The following BICC1 variants were observed in gnomAD, a reference collection of about 807,000 sequenced individuals.
BICC1 encodes the protein protein bicaudal C homolog 1.
BICC1 carries 43 observed loss-of-function variants against 111.0 expected under a neutral mutation model. That is an observed-to-expected ratio of 0.39 (90% CI 0.30 to 0.50). BICC1 has a LOEUF of 0.50. BICC1 is among the 20% of genes least tolerant of loss of function. The pLI is 0.88. For synonymous variants in BICC1, 467 were observed against 434.4 expected (o/e 1.07, Z -0.93); for missense variants, 1,091 against 1,203.2 (o/e 0.91, Z 1.38).
At chr10:58,782,204 T>C (rs761812678) in intron 3 of BICC1, among the ~76,000 whole-genome samples, 24 of 152,226 alleles carry the variant, frequency 1.6e-4, no homozygotes, top group Admixed American at 4.6e-4. Flanking sequence ...GAAAATCACA[T>C]TCTCTCTTAA....
Position 58,796,428 on chromosome 10 carries a change from C to T in BICC1, c.1268C>T (p.Thr423Ile). 6.2e-7 allele frequency: 1 copy of T among 1,614,106 alleles called. No individual in the cohort carries two copies. Among genetic ancestry groups the T allele is most frequent in the Non-Finnish European group, 8.5e-7 (1 of 1,180,008 alleles). Reference protein sequence around the residue: ...CLLGLESSGVTIATSPSPASC... With the variant: ...CLLGLESSGVIIATSPSPASC... ...CTCGGACTTGAAAGCAGTGGGGTTA[C>T]CATAGCAACCAGTCCATCCCCAGCA... Residue 423 changes from threonine (T) to isoleucine (I), a missense_variant, in exon 10 of 21, where the codon ACC (threonine) becomes ATC (isoleucine). By Grantham distance (89) the Thr-to-Ile change is moderately conservative. Transcript: ENST00000373886.
chr10:58,828,884 G>A lies in BICC1; in HGVS notation c.2918G>A (p.Arg973His), dbSNP rs188926102. 7.8e-5 allele frequency: 126 copies of A among 1,613,752 alleles called. No individual in the cohort carries two copies. Among genetic ancestry groups the A allele is most frequent in the Admixed American group, 3.7e-4 (22 of 59,998 alleles). Residue 973 changes from arginine (R) to histidine (H), a missense_variant, in exon 21 of 21, where the codon CGC becomes CAC. Arg to His is a conservative substitution (Grantham distance 29). Coordinates refer to ENST00000373886, the MANE Select transcript of BICC1 (RefSeq NM_001080512.3). ...YHSDIASVSG[R>H]W ...TCAGACATTGCTAGTGTCAGTGGCCGCTGGTAGCAGCACCCTCTTGGCACA... is the reference window on the plus strand; with the variant it reads ...TCAGACATTGCTAGTGTCAGTGGCCACTGGTAGCAGCACCCTCTTGGCACA...
intron 3 of BICC1, among the ~76,000 whole-genome samples, chr10:58,723,953 A>C (rs1307110938): frequency 6.6e-6 from 1 of 152,236 alleles, no homozygotes; most frequent in Non-Finnish European, 1.5e-5. Flanking sequence ...AGCAAAAAGA[A>C]ACTTGTTAAT....
In BICC1 at chr10:58,613,242, AG is replaced by A. The variant is rs568585184; in HGVS notation, c.191-7610del. 1.8e-3 allele frequency among the ~76,000 whole-genome samples: 272 copies of A among 152,328 alleles called. 3 individuals carry two copies. Among genetic ancestry groups the A allele is most frequent in the African/African-American group, 6.3e-3 (261 of 41,584 alleles). Reference sequence around the variant, plus strand: ...TTGCTTTCATTGGCAGGAATAATCCAGGGTTTTTACATCCAAGCGAATAAAC... The same window carrying A: ...TTGCTTTCATTGGCAGGAATAATCCAGGTTTTTACATCCAAGCGAATAAAC... On this transcript the variant is annotated intron_variant, in intron 1 of 20. Coordinates refer to ENST00000373886, the MANE Select transcript of BICC1 (RefSeq NM_001080512.3).
chr10:58,716,195 G>T, intron 3 of BICC1: 1 of 1,499,292 alleles, frequency 6.7e-7, no homozygotes, highest in South Asian at 1.2e-5. Flanking sequence ...AGTGAAGAAC[G>T]AGAAAAAGCA....
chr10:58,711,275 T>A (rs1305684790), intron 3 of BICC1, among the ~76,000 whole-genome samples: 1 of 152,192 alleles, frequency 6.6e-6, no homozygotes, highest in Non-Finnish European at 1.5e-5. Flanking sequence ...CAATAGTCAC[T>A]GTGGCTAGAG....
chr10:58,547,433 A>C (rs1181841106), intron 1 of BICC1, among the ~76,000 whole-genome samples: 3 of 152,034 alleles, frequency 2.0e-5, no homozygotes, highest in Admixed American at 1.3e-4. Context: ...TTCTCCTCAT[A>C]TTAAGGGTGT....
At chr10:58,514,910 A>G (rs1326272567) in intron 1 of BICC1, among the ~76,000 whole-genome samples, 1 of 152,242 alleles carries the variant, frequency 6.6e-6, no homozygotes, top group East Asian at 1.9e-4. Context: ...ATGAACTGAT[A>G]GTAGCACATA....
intron 2 of BICC1, chr10:58,648,539 G>C (rs1440446049): frequency 1.0e-6 from 1 of 985,138 alleles, no homozygotes; most frequent in Admixed American, 6.2e-5. Flanking sequence ...TATGTCTGTT[G>C]CTTTCAAAGG....
intron 2 of BICC1, among the ~76,000 whole-genome samples, chr10:58,623,970 CTG>C (rs1456146815): frequency 6.6e-6 from 1 of 152,124 alleles, no homozygotes; most frequent in Non-Finnish European, 1.5e-5. Flanking sequence ...AAAAAAAAGT[CTG>C]TGATCAAAGT....
At chr10:58,676,199 G>A (rs1025791839) in intron 2 of BICC1, among the ~76,000 whole-genome samples, 1 of 152,196 alleles carries the variant, frequency 6.6e-6, no homozygotes, top group African/African-American at 2.4e-5. Context: ...CTGGGTGGCT[G>A]TTTGGGCAGA....
chr10:58,741,996 G>T (rs147834279), intron 3 of BICC1, among the ~76,000 whole-genome samples: 2 of 152,156 alleles, frequency 1.3e-5, no homozygotes, highest in Non-Finnish European at 2.9e-5. Context: ...GAGATGCCTC[G>T]TAGGCAGTTG....
At chr10:58,529,183 T>G (rs1458719853) in intron 1 of BICC1, among the ~76,000 whole-genome samples, 1 of 151,920 alleles carries the variant, frequency 6.6e-6, no homozygotes, top group Non-Finnish European at 1.5e-5. Context: ...CGTCTTCAAG[T>G]AGGATCTTTT....
intron 1 of BICC1, among the ~76,000 whole-genome samples, chr10:58,619,913 G>C (rs1022520637): frequency 7.2e-5 from 11 of 152,190 alleles, no homozygotes; most frequent in African/African-American, 2.7e-4. Context: ...TGGCTGTGCT[G>C]AGGTATTACC....
At chr10:58,733,398 C>G (rs1841376967) in intron 3 of BICC1, among the ~76,000 whole-genome samples, 1 of 152,238 alleles carries the variant, frequency 6.6e-6, no homozygotes, top group Non-Finnish European at 1.5e-5. Flanking sequence ...TCCTCTCTTA[C>G]TATTCCCTGT....
intron 2 of BICC1, among the ~76,000 whole-genome samples, chr10:58,640,535 A>G (rs1221287041): frequency 1.3e-5 from 2 of 152,206 alleles, no homozygotes; most frequent in Admixed American, 1.3e-4. Flanking sequence ...AAAAATATTT[A>G]CATATGCAGC....
chr10:58,524,479 G>A (rs1055808642), intron 1 of BICC1, among the ~76,000 whole-genome samples: 2 of 152,076 alleles, frequency 1.3e-5, no homozygotes, highest in Non-Finnish European at 2.9e-5. Context: ...AATGGTGCTG[G>A]GAAAACTGGC....
chr10:58,569,408 A>G (rs909706244), intron 1 of BICC1, among the ~76,000 whole-genome samples: 5 of 152,184 alleles, frequency 3.3e-5, no homozygotes, highest in South Asian at 4.1e-4. Context: ...TTTAAAAAGT[A>G]TACTTTAAGT....
At chr10:58,753,300 T>C (rs952822949) in intron 3 of BICC1, among the ~76,000 whole-genome samples, 13 of 152,070 alleles carry the variant, frequency 8.5e-5, no homozygotes, top group African/African-American at 2.9e-4. Context: ...TCCTGAGCAA[T>C]TGGGACCCCA....
Sources: gnomAD v4.1 joint callset for allele counts (sites outside exome capture counted in the v4.1 genomes callset) on GRCh38, gnomAD v4.1.1 for gene constraint, MANE v1.5 for transcripts, NCBI Gene and HGNC (gene_info 2026-07-23, HGNC 2026-07-21) for gene names.